The following MAJIN variants were observed in gnomAD, a reference collection of about 807,000 sequenced individuals.
The protein encoded by MAJIN is membrane anchored junction protein, also known as membrane-anchored junction protein.
A neutral mutation model predicts 30.2 loss-of-function variants in MAJIN; 27 were observed. The observed-to-expected ratio is 0.89, with a 90% CI of 0.66 to 1.23. The LOEUF (loss-of-function observed/expected upper bound fraction) is 1.23. Ranked by LOEUF, MAJIN falls within the 50% of genes most tolerant of loss-of-function variation. The probability of loss-of-function intolerance (pLI) is 0.00; values close to 1 mark genes in which losing one functional copy is unlikely to be tolerated. For synonymous variants in MAJIN, 78 were observed against 91.6 expected, an observed-to-expected ratio of 0.85 and a Z score of 0.85; for missense variants, 253 against 260.3, an observed-to-expected ratio of 0.97 and a Z score of 0.19.
chr11:64,948,604 TATATATATATATATATATATA>T (rs1218071685), intron 6 of MAJIN, among the ~76,000 whole-genome samples: 10 of 21,488 alleles, frequency 4.7e-4, no homozygotes, highest in East Asian at 5.3e-3. Context: ...GGCTACATCA[TATATATATATATATATATATA>T]TATATATATA....
At chr11:64,967,325 G>C (rs1019774990) in intron 1 of MAJIN, among the ~76,000 whole-genome samples, 10 of 151,956 alleles carry the variant, frequency 6.6e-5, no homozygotes, top group Non-Finnish European at 1.2e-4. Flanking sequence ...AGAATCACTT[G>C]AACTCAGGAA....
chr11:64,938,491 G>A lies in MAJIN; in HGVS notation c.*84C>T. ...TGGCTCGGGAGGAGTCACTACAAGA[G>A]ATGATCCTCTTTCCAGCGCTGCATT... On this transcript the variant is annotated 3_prime_UTR_variant, in exon 11 of 11. Transcript: ENST00000301896. 6.5e-7 allele frequency: 1 copy of A among 1,527,216 alleles called. No homozygotes were observed. The highest frequency in any genetic ancestry group is 2.4e-5 in the East Asian group (1 of 40,870). 94.6% of individuals were successfully genotyped at this position (1,527,216 alleles called of 1,614,324 possible). A position where few individuals can be genotyped will look rare whatever the true frequency, so the allele number is the denominator to read the frequency against.
At chr11:64,964,234 G>C (rs1481514720) in intron 1 of MAJIN, among the ~76,000 whole-genome samples, 1 of 152,104 alleles carries the variant, frequency 6.6e-6, no homozygotes, top group South Asian at 2.1e-4. Flanking sequence ...GTGAGCCACC[G>C]CACCCAGCCT....
chr11:64,965,679 G>A (rs915315523), intron 1 of MAJIN, among the ~76,000 whole-genome samples: 4 of 152,098 alleles, frequency 2.6e-5, no homozygotes, highest in African/African-American at 9.7e-5. Flanking sequence ...TCATGCGGCT[G>A]GGCACAGTGG....
At chr11:64,957,345 G>T (rs1187034912) in intron 3 of MAJIN, among the ~76,000 whole-genome samples, 1 of 152,172 alleles carries the variant, frequency 6.6e-6, no homozygotes, top group Non-Finnish European at 1.5e-5. Context: ...CTCCCAAAGT[G>T]CTGGGATTAC....
rs1428520693 is a variant in MAJIN at position 64,964,357 on chromosome 11, C to T, written c.-64-4222G>A. ...TCATGAACGCCTATAGCTGGAGATG[C>T]CTTCCATTTTGGTGGGGGATGATAG... On this transcript the variant is annotated intron_variant, in intron 1 of 10. Coordinates refer to ENST00000301896, the MANE Select transcript of MAJIN (RefSeq NM_001037225.3). Among the ~76,000 whole-genome samples, 5 of 152,264 alleles carry T rather than the reference C, an allele frequency of 3.3e-5. No homozygotes were observed. The South Asian group carries it at 1.0e-3, about 32-fold the overall frequency.
intron 8 of MAJIN, chr11:64,946,167 A>G: frequency 1.3e-6 from 2 of 1,530,530 alleles, no homozygotes. Context: ...AGGTGGGGGG[A>G]AAATATGCAG....
chr11:64,967,053 T>C (rs540373884), intron 1 of MAJIN, among the ~76,000 whole-genome samples: 11 of 151,644 alleles, frequency 7.3e-5, no homozygotes, highest in Admixed American at 3.9e-4. Flanking sequence ...CAGGACTACT[T>C]GAGCCCAGGA....
chr11:64,953,883 C>T (rs1420964982), intron 4 of MAJIN, among the ~76,000 whole-genome samples: 1 of 152,158 alleles, frequency 6.6e-6, no homozygotes, highest in East Asian at 1.9e-4. Flanking sequence ...CCTTGAGGGT[C>T]CTGCAAGATC....
In MAJIN at chr11:64,947,823, C is replaced by T; in HGVS notation, c.350-4G>A. ...GGACTGTCACTTATTGGTTTCCCTA[C>T]AATAGGAAATTTGAGTGTCATAATA... On this transcript the variant is annotated splice_polypyrimidine_tract_variant and splice_region_variant and intron_variant, in intron 6 of 10. Coordinates refer to ENST00000301896, the MANE Select transcript of MAJIN (RefSeq NM_001037225.3). 6.4e-7 allele frequency: 1 copy of T among 1,562,612 alleles called. No homozygotes were observed. The highest frequency in any genetic ancestry group is 1.1e-5 in the South Asian group (1 of 90,028).
chr11:64,940,600 G>C lies in MAJIN; in HGVS notation c.520C>G (p.Leu174Val), dbSNP rs752853902. 5.0e-6 allele frequency: 8 copies of C among 1,614,098 alleles called. No individual in the cohort carries two copies. In the South Asian group the frequency reaches 8.8e-5, roughly 18 times the overall value. Reference sequence around the variant, plus strand: ...TTGTTTCTGGACATCAGTGATATCAGAGGCCAGAGTCTCCTGCAATCCTTG... The same window carrying C: ...TTGTTTCTGGACATCAGTGATATCACAGGCCAGAGTCTCCTGCAATCCTTG... ...PNKDCRRLWP[L>V]ISLMSRNKIL... is the part of the protein sequence containing the mutation. Residue 174 changes from leucine (L) to valine (V), a missense_variant, in exon 9 of 11, where the codon CTG (leucine) becomes GTG (valine). Coordinates refer to ENST00000301896, the MANE Select transcript of MAJIN (RefSeq NM_001037225.3).
intron 1 of MAJIN, among the ~76,000 whole-genome samples, chr11:64,965,165 T>C (rs2136820028): frequency 6.6e-6 from 1 of 152,352 alleles, no homozygotes; most frequent in South Asian, 2.1e-4. Context: ...GACATCATTC[T>C]GTTTTCTCAT....
Position 64,965,825 on chromosome 11 carries a change from A to G in MAJIN, c.-64-5690T>C, listed in dbSNP as rs370789062. 2.0e-5 allele frequency among the ~76,000 whole-genome samples: 3 copies of G among 151,994 alleles called. No homozygotes were observed. In the East Asian group the frequency reaches 5.8e-4, roughly 29 times the overall value. On this transcript the variant is annotated intron_variant, in intron 1 of 10. Transcript: ENST00000301896. ...CAAAAAATTAGCCAGGCGTGGTGGCAGGCGCCTGTAGTCCCAGCTACTCAG... is the reference window on the plus strand; with the variant it reads ...CAAAAAATTAGCCAGGCGTGGTGGCGGGCGCCTGTAGTCCCAGCTACTCAG...
chr11:64,956,771 T>G (rs113604708), intron 3 of MAJIN, among the ~76,000 whole-genome samples: 4,053 of 147,358 alleles, frequency 0.028, 204 homozygotes, highest in African/African-American at 0.096. Flanking sequence ...CTGTTTTTTT[T>G]TTTTTTTTTT....
chr11:64,963,648 G>A (rs1945761720), intron 1 of MAJIN, among the ~76,000 whole-genome samples: 1 of 152,156 alleles, frequency 6.6e-6, no homozygotes, highest in Admixed American at 6.6e-5. Context: ...GACCAGGCTG[G>A]CCAACATGGT....
At chr11:64,966,292 T>C (rs114449559) in intron 1 of MAJIN, among the ~76,000 whole-genome samples, 1,679 of 152,228 alleles carry the variant, frequency 0.011, 34 homozygotes, top group African/African-American at 0.039. Flanking sequence ...CTTAGCACTC[T>C]GGGAGTCCAA....
At chr11:64,945,135 A>G (rs1037186651) in intron 8 of MAJIN, among the ~76,000 whole-genome samples, 3 of 152,138 alleles carry the variant, frequency 2.0e-5, no homozygotes, top group Admixed American at 6.5e-5. Context: ...AGGCGGGTGG[A>G]TCACGAGGTC....
At chr11:64,939,580 T>C in intron 10 of MAJIN, 82 bp downstream of exon 10, 8 of 1,258,844 alleles carry the variant, frequency 6.4e-6, no homozygotes, top group Non-Finnish European at 7.9e-6. Context: ...CTGCTTTCTT[T>C]TCTATTCTAA....
intron 1 of MAJIN, among the ~76,000 whole-genome samples, chr11:64,963,576 G>A (rs538646375): frequency 3.3e-5 from 5 of 152,294 alleles, no homozygotes; most frequent in African/African-American, 9.6e-5. Context: ...AGTGGCTCAC[G>A]ACTGTAATCT....
Sources: gnomAD v4.1 joint callset for allele counts (sites outside exome capture counted in the v4.1 genomes callset) on GRCh38, gnomAD v4.1.1 for gene constraint, MANE v1.5 for transcripts, NCBI Gene and HGNC (gene_info 2026-07-23, HGNC 2026-07-21) for gene names.